SPATA6L: variants seen among roughly 807,000 people sequenced by gnomAD.
SPATA6L encodes spermatogenesis associated 6-like protein.
In SPATA6L, 68 loss-of-function variants were observed where a neutral mutation model predicts 49.2. The ratio of observed to expected loss-of-function variants is 1.38; its 90% CI spans 1.14 to 1.69. The LOEUF is 1.69. Ranked by LOEUF, SPATA6L falls within the 40% of genes most tolerant of loss-of-function variation. The pLI, the probability that SPATA6L is intolerant of heterozygous loss-of-function variation, is 0.00. For missense variants in SPATA6L, 668 were observed against 464.3 expected, an observed-to-expected ratio of 1.44 and a Z score of -4.03; for synonymous variants, 198 against 165.7, an observed-to-expected ratio of 1.19 and a Z score of -1.50.
chr9:4,628,997 T>C (rs147083700), intron 5 of SPATA6L, 94 bp downstream of exon 5: 45 of 802,294 alleles, frequency 5.6e-5, no homozygotes, highest in African/African-American at 4.0e-4. Context: ...TTTAGTTTCA[T>C]GTAAACTTAA....
intron 4 of SPATA6L, among the ~76,000 whole-genome samples, chr9:4,632,792 G>A (rs933811453): frequency 2.0e-5 from 3 of 152,060 alleles, no homozygotes; most frequent in Non-Finnish European, 4.4e-5. Flanking sequence ...CCATTAACAT[G>A]TCTTTCTGAA....
In SPATA6L at chr9:4,598,469, T is replaced by C. The variant is rs1822511525; in HGVS notation, c.*2342A>G. Among the ~76,000 whole-genome samples the C allele has an allele frequency of 6.6e-6, 1 of 152,002 alleles. No individual in the cohort carries two copies. Among genetic ancestry groups the C allele is most frequent in the Admixed American group, 6.6e-5 (1 of 15,266 alleles). ...GATTCCTCAAAATTGAGATAACTCC[T>C]TGAGAAACAAAAGTAAAAATAATAA... On this transcript the variant is annotated 3_prime_UTR_variant, in exon 12 of 12. Coordinates refer to ENST00000682582, the MANE Select transcript of SPATA6L (RefSeq NM_001353486.2).
intron 3 of SPATA6L, among the ~76,000 whole-genome samples, chr9:4,639,519 G>C (rs1381956064): frequency 6.6e-6 from 1 of 152,144 alleles, no homozygotes; most frequent in African/African-American, 2.4e-5. Flanking sequence ...CAGTCTCTCT[G>C]GTGTGGTCAT....
intron 2 of SPATA6L, among the ~76,000 whole-genome samples, chr9:4,656,441 A>AAAGGAAGGAAGG (rs376151295): frequency 2.2e-4 from 25 of 113,930 alleles, no homozygotes; most frequent in African/African-American, 3.7e-4. Flanking sequence ...CCTGTGAAAG[A>AAAGGAAGGAAGG]AAGGAAGGAA....
chr9:4,653,670 C>T (rs1466241178), intron 3 of SPATA6L, among the ~76,000 whole-genome samples: 1 of 152,184 alleles, frequency 6.6e-6, no homozygotes, highest in Non-Finnish European at 1.5e-5. Flanking sequence ...CGGCTCATGT[C>T]TGTAACCCCA....
rs531750588 is a variant in SPATA6L, at chr9:4,636,119, T to C, written c.227-720A>G. Among the ~76,000 whole-genome samples the C allele has an allele frequency of 2.0e-3, 311 of 152,170 alleles. 1 individual carries two copies. The highest frequency in any genetic ancestry group is 3.9e-3 in the Non-Finnish European group (262 of 68,018). On this transcript the variant is annotated intron_variant, in intron 3 of 11. Transcript: ENST00000682582. ...TGCATGTAAACACAAAGCCTTTTTT[T>C]TTTGCATAATTTGGAAATACACTGA...
downstream of SPATA6L, among the ~76,000 whole-genome samples, chr9:4,595,252 C>A (rs1174979717): frequency 6.6e-6 from 1 of 152,198 alleles, no homozygotes; most frequent in Non-Finnish European, 1.5e-5. Context: ...CATACACCCA[C>A]AGGTTTTTAA....
At chr9:4,603,782 G>A (rs60875599) in intron 11 of SPATA6L, among the ~76,000 whole-genome samples, 15 of 152,254 alleles carry the variant, frequency 9.9e-5, no homozygotes, top group South Asian at 4.1e-4. Flanking sequence ...AGGGAGTGTC[G>A]TGTCATAGAA....
chr9:4,641,598 T>C lies in SPATA6L; in HGVS notation c.227-6199A>G, dbSNP rs958247244. Reference sequence around the variant, plus strand: ...ATGTTCAGTACAGACACAACCATCATAGGCCTAACTACATTTTCGAGTAAT... The same window carrying C: ...ATGTTCAGTACAGACACAACCATCACAGGCCTAACTACATTTTCGAGTAAT... On this transcript the variant is annotated intron_variant, in intron 3 of 11. Coordinates refer to ENST00000682582, the MANE Select transcript of SPATA6L (RefSeq NM_001353486.2). 2.0e-5 allele frequency among the ~76,000 whole-genome samples: 3 copies of C among 152,180 alleles called. No homozygotes were observed. In the South Asian group the frequency reaches 6.2e-4, roughly 32 times the overall value.
chr9:4,631,435 C>G (rs901382112), intron 4 of SPATA6L, among the ~76,000 whole-genome samples: 1 of 151,686 alleles, frequency 6.6e-6, no homozygotes, highest in Non-Finnish European at 1.5e-5. Flanking sequence ...TATCTATTAT[C>G]TAATAGATGA....
rs961004122 is a variant in SPATA6L at position 4,644,693 on chromosome 9, A to T, written c.227-9294T>A. The stretch of plus-strand genomic sequence containing the variant: ...CTCTCTCTCTCTCTCTCTCACACAC[A>T]CACACACACACACACACACACACAC... On this transcript the variant is annotated intron_variant, in intron 3 of 11. Transcript: ENST00000682582. Among the ~76,000 whole-genome samples, 293 of 134,416 alleles carry T rather than the reference A, an allele frequency of 2.2e-3. 1 individual carries two copies. Among genetic ancestry groups the T allele is most frequent in the African/African-American group, 7.4e-3 (260 of 35,266 alleles). 88.2% of individuals were successfully genotyped at this position (134,416 alleles called of 152,430 possible).
At chr9:4,655,196 A>T (rs1350514768) in intron 3 of SPATA6L, among the ~76,000 whole-genome samples, 1 of 152,254 alleles carries the variant, frequency 6.6e-6, no homozygotes, top group Non-Finnish European at 1.5e-5. Flanking sequence ...TTCATCCAAC[A>T]GAATACTATT....
chr9:4,635,865 C>A (rs1281727307), intron 3 of SPATA6L, among the ~76,000 whole-genome samples: 1 of 152,140 alleles, frequency 6.6e-6, no homozygotes, highest in East Asian at 1.9e-4. Context: ...GCAGGGGTAC[C>A]AACCCCGAGG....
intron 3 of SPATA6L, among the ~76,000 whole-genome samples, chr9:4,655,088 T>C (rs1837813110): frequency 6.6e-6 from 1 of 152,200 alleles, no homozygotes; most frequent in South Asian, 2.1e-4. Flanking sequence ...CAAAAACTTA[T>C]ACACAAATAT....
At chr9:4,610,349 A>T in intron 9 of SPATA6L, among the ~76,000 whole-genome samples, 1 of 148,588 alleles carries the variant, frequency 6.7e-6, no homozygotes. Context: ...GTCAATCCTA[A>T]GCCAAAAGAA....
At chr9:4,658,731 G>A (rs1278074011) in intron 2 of SPATA6L, among the ~76,000 whole-genome samples, 1 of 152,078 alleles carries the variant, frequency 6.6e-6, no homozygotes, top group Non-Finnish European at 1.5e-5. Flanking sequence ...AGTGGCTCAT[G>A]CTGTAATCCC....
At chr9:4,643,405 A>C (rs1834491539) in intron 3 of SPATA6L, among the ~76,000 whole-genome samples, 1 of 152,174 alleles carries the variant, frequency 6.6e-6, no homozygotes, top group African/African-American at 2.4e-5. Context: ...TTGGAACCTT[A>C]TTGGGGATCA....
rs1830155331 is a variant in SPATA6L, at chr9:4,625,417, C to T, written c.579G>A (p.Arg193=). 1 of 1,613,918 alleles carries T rather than the reference C, an allele frequency of 6.2e-7. No homozygotes were observed. Among genetic ancestry groups the T allele is most frequent in the African/African-American group, 1.3e-5 (1 of 74,866 alleles). The part of the protein sequence containing the change: ...QARAPSQYST[R]HFFQDQPAQL... Reference sequence around the variant, plus strand: ...GAGCTGGCTGGTCCTGGAAGAAATGCCTGGTAGAATATTGAGAGGGCGCCC... The same window carrying T: ...GAGCTGGCTGGTCCTGGAAGAAATGTCTGGTAGAATATTGAGAGGGCGCCC... Residue 193 remains arginine, a synonymous_variant, in exon 6 of 12, where the codon AGG becomes AGA. Transcript: ENST00000682582.
At chr9:4,606,941 G>A (rs1825386945) in intron 9 of SPATA6L, among the ~76,000 whole-genome samples, 1 of 145,136 alleles carries the variant, frequency 6.9e-6, no homozygotes, top group Admixed American at 6.8e-5. Context: ...ATACAGAGAA[G>A]TGCTTAAAGG....
Sources: gnomAD v4.1 joint callset for allele counts (sites outside exome capture counted in the v4.1 genomes callset) on GRCh38, gnomAD v4.1.1 for gene constraint, MANE v1.5 for transcripts, NCBI Gene and HGNC (gene_info 2026-07-23, HGNC 2026-07-21) for gene names.